Variants in COL3A1 observed in about 807,000 individuals in gnomAD.
The protein encoded by COL3A1 is collagen alpha-1(III) chain.
A neutral mutation model predicts 200.9 loss-of-function variants in COL3A1; 46 were observed. The ratio of observed to expected loss-of-function variants is 0.23; its 90% CI spans 0.18 to 0.29. The LOEUF is 0.29. COL3A1 is among the 10% of genes least tolerant of loss of function. COL3A1 has a pLI of 1.00. For missense variants in COL3A1, 1,367 were observed against 1,917.6 expected (o/e 0.71, Z 5.36); for synonymous variants, 650 against 628.0 (o/e 1.03, Z -0.52).
At chr2:189,010,155 C>A in intron 48 of COL3A1, 23 bp from the exon 49 acceptor site, 1 of 1,612,388 alleles carries the variant, frequency 6.2e-7, no homozygotes, top group Non-Finnish European at 8.5e-7. Flanking sequence ...AACCAATTCC[C>A]ATTCTTTTTT....
At chr2:188,990,495 TAA>T (rs1688164649) in intron 10 of COL3A1, 135 bp downstream of exon 10, 23 of 834,756 alleles carry the variant, frequency 2.8e-5, no homozygotes. Context: ...TTAAGTCTAC[TAA>T]GTTTGTTTGT....
intron 1 of COL3A1, among the ~76,000 whole-genome samples, chr2:188,983,623 G>A (rs1192169176): frequency 1.3e-5 from 2 of 151,828 alleles, no homozygotes; most frequent in African/African-American, 2.4e-5. Context: ...ACCACTAGGC[G>A]GCAAAAACTA....
Position 188,992,206 on chromosome 2 carries a change from C to T in COL3A1, c.974C>T (p.Ala325Val). 6.2e-7 allele frequency: 1 copy of T among 1,613,802 alleles called. No individual in the cohort carries two copies. Among genetic ancestry groups the T allele is most frequent in the Non-Finnish European group, 8.5e-7 (1 of 1,179,908 alleles). Residue 325 changes from alanine (A) to valine (V), a missense_variant, in exon 14 of 51, where the codon GCT becomes GTT. Ala to Val is a moderately conservative substitution (Grantham distance 64). Transcript: ENST00000304636. ...TAGGGTGCTCGGGGTAATGACGGTG[C>T]TCGAGGCAGTGATGGTCAACCAGTA... ...GAAGARGNDG[A>V]RGSDGQPGPP...
In COL3A1 at chr2:188,995,101, T is replaced by C. The variant is rs1553508039; in HGVS notation, c.1509+2T>C. On this transcript the variant is annotated splice_donor_variant, in intron 21 of 50. Transcript: ENST00000304636. LOFTEE classifies it high-confidence loss of function. ...CCAAATGGCATCCCAGGAGAAAAGG[T>C]AGATAACTTTAGTTTCTATGTTCCT... The C allele has an allele frequency of 6.2e-7, 1 of 1,614,024 alleles. No homozygotes were observed.
intron 1 of COL3A1, among the ~76,000 whole-genome samples, chr2:188,979,052 A>G (rs998067456): frequency 1.3e-5 from 2 of 152,006 alleles, no homozygotes; most frequent in African/African-American, 2.4e-5. Context: ...TTAATGAACA[A>G]AATGAAACGT....
chr2:188,992,131 A>C (rs371770138), intron 13 of COL3A1, 53 bp from the exon 14 acceptor site: 14 of 1,578,776 alleles, frequency 8.9e-6, no homozygotes, highest in South Asian at 4.4e-5. Flanking sequence ...AATATTACTC[A>C]TGACCAGCCA....
In COL3A1 at chr2:188,982,293, T is replaced by G. The variant is rs571252426; in HGVS notation, c.80-2467T>G. Among the ~76,000 whole-genome samples, 9 of 151,880 alleles carry G rather than the reference T, an allele frequency of 5.9e-5. No homozygotes were observed. The East Asian group carries it at 1.5e-3, about 26-fold the overall frequency. Reference sequence around the variant, plus strand: ...ACGTTAATACTTATAACATTGCATTTGACCCAATTTTAACAAACTCATTTA... The same window carrying G: ...ACGTTAATACTTATAACATTGCATTGGACCCAATTTTAACAAACTCATTTA... On this transcript the variant is annotated intron_variant, in intron 1 of 50. Coordinates refer to ENST00000304636, the MANE Select transcript of COL3A1 (RefSeq NM_000090.4).
chr2:189,002,401 C>G, intron 35 of COL3A1, 50 bp downstream of exon 35: 1 of 1,549,816 alleles, frequency 6.5e-7, no homozygotes, highest in Non-Finnish European at 8.9e-7. Context: ...GGATCTCTAT[C>G]TTGCTGAAAA....
rs189949048 is a variant in COL3A1 at position 188,994,229 on chromosome 2, C to T, written c.1195-5C>T. On this transcript the variant is annotated splice_region_variant and splice_polypyrimidine_tract_variant and intron_variant, in intron 17 of 50. Transcript: ENST00000304636. The surrounding 1 kb of genome is among the most constrained non-coding windows in gnomAD (Gnocchi z 4.5). The stretch of plus-strand genomic sequence containing the variant: ...GCTAATATAGTGTCTTTGGTTTGTT[C>T]TTAGGGTCCCGCTGGCATTCCTGGA... The T allele has an allele frequency of 5.6e-6, 9 of 1,614,016 alleles. No homozygotes were observed. In the African/African-American group the frequency reaches 1.2e-4, roughly 22 times the overall value.
Position 188,995,080 on chromosome 2 carries a change from A to C in COL3A1, c.1490A>C (p.Asn497Thr). The C allele has an allele frequency of 6.2e-7, 1 of 1,614,214 alleles. No individual in the cohort carries two copies. The highest frequency in any genetic ancestry group is 8.5e-7 in the Non-Finnish European group (1 of 1,180,036). The change falls in exon 21 of 51, where the codon AAT (asparagine) becomes ACT (threonine). Residue 497 changes from asparagine to threonine, a missense_variant. Asn to Thr is a moderately conservative substitution (Grantham distance 65). Coordinates refer to ENST00000304636, the MANE Select transcript of COL3A1 (RefSeq NM_000090.4). ...APGFRGPAGP[N>T]GIPGEKGPAG... ...GGGTTCCGAGGACCTGCTGGACCAA[A>C]TGGCATCCCAGGAGAAAAGGTAGAT...
intron 34 of COL3A1, 115 bp from the exon 35 acceptor site, chr2:189,002,182 AC>A: frequency 1.2e-6 from 1 of 846,124 alleles, no homozygotes; most frequent in South Asian, 1.4e-5. Flanking sequence ...TTTATTGGCT[AC>A]TCTGCACATT....
Position 188,997,691 on chromosome 2 carries a change from C to T in COL3A1, c.1870-9C>T, listed in dbSNP as rs777339506. On this transcript the variant is annotated splice_polypyrimidine_tract_variant and intron_variant, in intron 26 of 50. Transcript: ENST00000304636. ...GTTTACAACAGAGTGTATCATTATA[C>T]TTTTCTAGGGGCCTGGTGGTGACAA... 2 of 1,612,946 alleles carry T rather than the reference C, an allele frequency of 1.2e-6. No homozygotes were observed. Among genetic ancestry groups the T allele is most frequent in the Non-Finnish European group, 1.7e-6 (2 of 1,179,016 alleles).
intron 28 of COL3A1, 150 bp downstream of exon 28, chr2:188,998,469 T>C (rs1356274710): frequency 1.1e-6 from 1 of 945,580 alleles, no homozygotes; most frequent in Non-Finnish European, 1.6e-6. Flanking sequence ...ACAAATTATT[T>C]AAAAGATAAC....
At chr2:188,996,607 G>A (rs1210303963) in intron 24 of COL3A1, 111 bp downstream of exon 24, 3 of 881,448 alleles carry the variant, frequency 3.4e-6, no homozygotes, top group East Asian at 5.3e-5. Flanking sequence ...GCATGGAGGA[G>A]TATATGAAAA....
Position 188,993,489 on chromosome 2 carries a change from A to C in COL3A1, c.1149+30A>C, listed in dbSNP as rs987090530. 8 of 1,482,916 alleles carry C rather than the reference A, an allele frequency of 5.4e-6. No homozygotes were observed. In the African/African-American group the frequency reaches 1.2e-4, roughly 22 times the overall value. The allele number at this position is 1,482,916 out of a possible 1,614,324, so 91.9% of individuals were successfully genotyped here. A position where few individuals can be genotyped will look rare whatever the true frequency, so the allele number is the denominator to read the frequency against. On this transcript the variant is annotated intron_variant, in intron 16 of 50. Transcript: ENST00000304636. The stretch of plus-strand genomic sequence containing the variant: ...GTATCATAGTTGAGAGGGAGTAAGC[A>C]TAGTTTCATGCTTACTCCATGAAAG...
At chr2:188,998,224 A>G (rs1027578969) in intron 27 of COL3A1, 42 bp from the exon 28 acceptor site, 5 of 1,560,816 alleles carry the variant, frequency 3.2e-6, no homozygotes, top group South Asian at 1.1e-5. Context: ...TCTATAAGCC[A>G]TGTTTGAGGT....
intron 40 of COL3A1, 110 bp from the exon 41 acceptor site, chr2:189,005,240 T>G: frequency 9.8e-7 from 1 of 1,016,128 alleles, no homozygotes; most frequent in Admixed American, 1.9e-5. Flanking sequence ...TAAAATTCAA[T>G]GAAGATTAAA....
Position 189,012,312 on chromosome 2 carries a change from T to C in COL3A1, c.*538T>C, listed in dbSNP as rs1342038989. The C allele has an allele frequency of 6.5e-6, 1 of 152,734 alleles. No homozygotes were observed. The highest frequency in any genetic ancestry group is 2.4e-5 in the African/African-American group (1 of 41,460). The allele number at this position is 152,734 out of a possible 1,614,324, so 9.5% of individuals were successfully genotyped here. On this transcript the variant is annotated 3_prime_UTR_variant, in exon 51 of 51. Coordinates refer to ENST00000304636, the MANE Select transcript of COL3A1 (RefSeq NM_000090.4). ...GAAGATTGGTTTAAAAAGAAAAGTGTAATGCAAGAATTTAAAGAAATATTT... is the reference window on the plus strand; with the variant it reads ...GAAGATTGGTTTAAAAAGAAAAGTGCAATGCAAGAATTTAAAGAAATATTT...
rs1324129640 is a variant in COL3A1, at chr2:188,981,680, ATGGCTAACTAGAGCAT to A, written c.80-3078_80-3063del. On this transcript the variant is annotated intron_variant, in intron 1 of 50. Transcript: ENST00000304636. ...TCTATTCTATTTCTAAATGTTGCAA[ATGGCTAACTAGAGCAT>A]TTTTATTCCTCTAGAAACAAAACAT... 2.0e-5 allele frequency among the ~76,000 whole-genome samples: 3 copies of A among 151,636 alleles called. No individual in the cohort carries two copies. The East Asian group carries it at 5.8e-4, about 29-fold the overall frequency.
Sources: gnomAD v4.1 joint callset for allele counts (sites outside exome capture counted in the v4.1 genomes callset) on GRCh38, gnomAD v4.1.1 for gene constraint, Gnocchi (gnomAD v3.1) non-coding constraint, MANE v1.5 for transcripts, NCBI Gene and HGNC (gene_info 2026-07-23, HGNC 2026-07-21) for gene names.